The following CNTN5 variants were observed in gnomAD, a reference collection of about 807,000 sequenced individuals.
CNTN5 encodes contactin 5.
Under a neutral mutation model 129.1 loss-of-function variants are expected in CNTN5, and 77 were observed. The ratio of observed to expected loss-of-function variants is 0.60; its 90% CI spans 0.50 to 0.72. CNTN5 has a LOEUF of 0.72. CNTN5 is among the 30% of genes least tolerant of loss of function. CNTN5 has a pLI of 0.00. For missense variants in CNTN5, 1,478 were observed against 1,328.8 expected (o/e 1.11, Z -1.75); for synonymous variants, 509 against 465.6 (o/e 1.09, Z -1.20).
At chr11:100,022,712 A>G (rs943706095) in intron 9 of CNTN5, among the ~76,000 whole-genome samples, 1 of 152,184 alleles carries the variant, frequency 6.6e-6, no homozygotes, top group Non-Finnish European at 1.5e-5. Context: ...TAGGCCTAAT[A>G]ATTATGAATT....
intron 2 of CNTN5, among the ~76,000 whole-genome samples, chr11:99,543,814 A>G (rs1350477948): frequency 6.7e-6 from 1 of 148,740 alleles, no homozygotes; most frequent in East Asian, 2.1e-4. Flanking sequence ...GCTACTCAGG[A>G]GGCTGCTGTG....
intron 1 of CNTN5, among the ~76,000 whole-genome samples, chr11:99,283,358 G>A (rs1372872674): frequency 6.6e-6 from 1 of 151,912 alleles, no homozygotes; most frequent in African/African-American, 2.4e-5. Flanking sequence ...GGTACTCTTC[G>A]TCAGTGTTGT....
chr11:100,080,548 C>G (rs1460460737), intron 13 of CNTN5, among the ~76,000 whole-genome samples: 1 of 152,060 alleles, frequency 6.6e-6, no homozygotes, highest in Non-Finnish European at 1.5e-5. Flanking sequence ...TAACAAAAGC[C>G]CTAAAGGACA....
intron 16 of CNTN5, among the ~76,000 whole-genome samples, chr11:100,236,929 C>G (rs752695541): frequency 1.2e-4 from 19 of 152,206 alleles, no homozygotes; most frequent in Middle Eastern, 6.8e-3. Flanking sequence ...GTGGCTCACG[C>G]CTGTAATCCC....
chr11:100,131,355 AG>A (rs1946374083), intron 13 of CNTN5, among the ~76,000 whole-genome samples: 1 of 152,046 alleles, frequency 6.6e-6, no homozygotes, highest in African/African-American at 2.4e-5. Context: ...ATGGAGTGTG[AG>A]GATTTGAGTG....
At chr11:100,273,747 G>A (rs145555760) in intron 18 of CNTN5, among the ~76,000 whole-genome samples, 30 of 152,184 alleles carry the variant, frequency 2.0e-4, no homozygotes, top group East Asian at 9.7e-4. Flanking sequence ...CCAGGAACCC[G>A]CTAGCACTCA....
At chr11:99,861,087 G>T (rs754486300) in intron 6 of CNTN5, among the ~76,000 whole-genome samples, 2 of 151,562 alleles carry the variant, frequency 1.3e-5, no homozygotes, top group South Asian at 4.2e-4. Context: ...TCCTGAGTAG[G>T]TAGGACTACA....
At chr11:99,407,399 G>T (rs1180706032) in intron 2 of CNTN5, among the ~76,000 whole-genome samples, 1 of 151,800 alleles carries the variant, frequency 6.6e-6, no homozygotes, top group Non-Finnish European at 1.5e-5. Context: ...CTAGTGCCCT[G>T]TCCTGCTGTG....
intron 1 of CNTN5, among the ~76,000 whole-genome samples, chr11:99,231,656 A>G (rs570864284): frequency 6.6e-6 from 1 of 152,304 alleles, no homozygotes; most frequent in South Asian, 2.1e-4. Flanking sequence ...TAGTTAAACT[A>G]GATCCCATTT....
chr11:99,687,819 C>T (rs1440662403), intron 3 of CNTN5, among the ~76,000 whole-genome samples: 1 of 152,112 alleles, frequency 6.6e-6, no homozygotes, highest in Non-Finnish European at 1.5e-5. Flanking sequence ...TGTATTTCAA[C>T]AAAAGTGAAA....
chr11:99,629,697 A>C (rs1195146936), intron 3 of CNTN5, among the ~76,000 whole-genome samples: 2 of 151,888 alleles, frequency 1.3e-5, no homozygotes, highest in African/African-American at 4.8e-5. Context: ...TGTTTATGTA[A>C]ATATTCTGAT....
chr11:99,105,340 A>G (rs1303387546), intron 1 of CNTN5, among the ~76,000 whole-genome samples: 1 of 152,204 alleles, frequency 6.6e-6, no homozygotes, highest in East Asian at 1.9e-4. Flanking sequence ...TCAAGGCTTT[A>G]TTTAAAATTT....
chr11:99,939,515 CTT>C (rs1289713049), intron 7 of CNTN5, among the ~76,000 whole-genome samples: 4 of 152,090 alleles, frequency 2.6e-5, no homozygotes, highest in South Asian at 4.2e-4. Flanking sequence ...CTGAAAAACT[CTT>C]TTAATGCAAA....
chr11:100,058,435 C>T (rs998059079), intron 9 of CNTN5, among the ~76,000 whole-genome samples: 29 of 152,090 alleles, frequency 1.9e-4, no homozygotes, highest in African/African-American at 6.8e-4. Context: ...CATGAACTCA[C>T]CAACGAATAA....
chr11:100,197,189 T>A (rs1948660566), intron 15 of CNTN5, among the ~76,000 whole-genome samples: 1 of 151,944 alleles, frequency 6.6e-6, no homozygotes, highest in Non-Finnish European at 1.5e-5. Context: ...GTGCGTGTTT[T>A]GGGAACAGTG....
intron 3 of CNTN5, among the ~76,000 whole-genome samples, chr11:99,742,740 C>T (rs1943926006): frequency 6.6e-6 from 1 of 152,134 alleles, no homozygotes; most frequent in Non-Finnish European, 1.5e-5. Context: ...GTCATCCTGC[C>T]TAGCGTTCCT....
At chr11:99,041,710 A>G (rs536614433) in intron 1 of CNTN5, among the ~76,000 whole-genome samples, 3 of 152,352 alleles carry the variant, frequency 2.0e-5, no homozygotes, top group Admixed American at 1.3e-4. Context: ...TTTTAGTTCA[A>G]CACAGAAAGG....
chr11:99,583,807 T>C (rs1232365619), intron 3 of CNTN5, among the ~76,000 whole-genome samples: 2 of 152,110 alleles, frequency 1.3e-5, no homozygotes, highest in East Asian at 1.9e-4. Flanking sequence ...CTTTGGCTCA[T>C]GCATGGTGTG....
At chr11:100,171,875 A>G (rs1947838121) in intron 13 of CNTN5, among the ~76,000 whole-genome samples, 1 of 152,066 alleles carries the variant, frequency 6.6e-6, no homozygotes, top group Non-Finnish European at 1.5e-5. Flanking sequence ...TATAGTAGAA[A>G]AAAATGTTAT....
Sources: gnomAD v4.1 joint callset for allele counts (sites outside exome capture counted in the v4.1 genomes callset) on GRCh38, gnomAD v4.1.1 for gene constraint, MANE v1.5 for transcripts, NCBI Gene and HGNC (gene_info 2026-07-23, HGNC 2026-07-21) for gene names.